The following NRG3 variants were observed in gnomAD, a reference collection of about 807,000 sequenced individuals.
NRG3 encodes the protein pro-neuregulin-3, membrane-bound isoform.
Under a neutral mutation model 66.9 loss-of-function variants are expected in NRG3, and 31 were observed. The observed-to-expected ratio is 0.46, with a 90% CI of 0.35 to 0.63. The LOEUF (loss-of-function observed/expected upper bound fraction) is 0.63. Among genes scored for constraint, NRG3 ranks in the 20% least tolerant of loss-of-function variants. The probability of loss-of-function intolerance (pLI) is 0.00; values close to 1 mark genes in which losing one functional copy is unlikely to be tolerated. For synonymous variants in NRG3, 393 were observed against 359.4 expected (o/e 1.09, Z -1.06); for missense variants, 910 against 878.9 (o/e 1.04, Z -0.45).
chr10:82,648,211 C>T (rs1345352043), intron 2 of NRG3, among the ~76,000 whole-genome samples: 1 of 152,118 alleles, frequency 6.6e-6, no homozygotes, highest in African/African-American at 2.4e-5. Context: ...CCAGTTTCAG[C>T]TTTCTACATA....
intron 2 of NRG3, among the ~76,000 whole-genome samples, chr10:82,379,243 T>C (rs924605423): frequency 7.9e-5 from 12 of 152,124 alleles, no homozygotes; most frequent in African/African-American, 2.2e-4. Flanking sequence ...TCTAACACCG[T>C]AGGAGGACTG....
At chr10:82,882,557 G>T (rs913051616) in intron 4 of NRG3, among the ~76,000 whole-genome samples, 1 of 152,156 alleles carries the variant, frequency 6.6e-6, no homozygotes, top group Admixed American at 6.5e-5. Context: ...AGAATCGCTG[G>T]TCCATAGCAA....
intron 2 of NRG3, among the ~76,000 whole-genome samples, chr10:82,722,172 G>A (rs1231460151): frequency 6.6e-6 from 1 of 152,154 alleles, no homozygotes; most frequent in Non-Finnish European, 1.5e-5. Context: ...GGGCCTGGTT[G>A]TTGTTCGACC....
chr10:81,952,556 A>G (rs1003455858), intron 1 of NRG3, among the ~76,000 whole-genome samples: 1 of 152,090 alleles, frequency 6.6e-6, no homozygotes, highest in Middle Eastern at 3.4e-3. Flanking sequence ...TGGTCACCCA[A>G]ATGGTGGTCT....
At chr10:82,483,461 C>A (rs1240816937) in intron 2 of NRG3, among the ~76,000 whole-genome samples, 1 of 152,126 alleles carries the variant, frequency 6.6e-6, no homozygotes, top group Non-Finnish European at 1.5e-5. Context: ...AATGGTAATT[C>A]TTGTATGTTT....
intron 2 of NRG3, among the ~76,000 whole-genome samples, chr10:82,394,374 T>G (rs1485054133): frequency 6.6e-6 from 1 of 152,192 alleles, no homozygotes; most frequent in Non-Finnish European, 1.5e-5. Flanking sequence ...TGTAATAGCT[T>G]GGGCAGATAA....
At chr10:81,911,896 T>TAG (rs1845205462) in intron 1 of NRG3, among the ~76,000 whole-genome samples, 1 of 152,106 alleles carries the variant, frequency 6.6e-6, no homozygotes, top group South Asian at 2.1e-4. Context: ...AATGTTTTCT[T>TAG]ACAAAAAATA....
chr10:81,950,362 G>C (rs1325442498), intron 1 of NRG3, among the ~76,000 whole-genome samples: 1 of 152,134 alleles, frequency 6.6e-6, no homozygotes, highest in Non-Finnish European at 1.5e-5. Context: ...CATCCTTTAA[G>C]GTATTTTGTT....
chr10:82,029,691 C>G (rs1564751131), intron 1 of NRG3, among the ~76,000 whole-genome samples: 1 of 152,042 alleles, frequency 6.6e-6, no homozygotes, highest in Non-Finnish European at 1.5e-5. Flanking sequence ...TGATGGACTT[C>G]ATTGAGAATG....
At chr10:82,374,765 T>C (rs2085106556) in intron 2 of NRG3, among the ~76,000 whole-genome samples, 2 of 152,178 alleles carry the variant, frequency 1.3e-5, no homozygotes, top group South Asian at 4.1e-4. Context: ...ATTCCCACCC[T>C]AGAGGTCCTT....
chr10:82,684,852 AACTG>A (rs1469973574), intron 2 of NRG3, among the ~76,000 whole-genome samples: 2 of 152,178 alleles, frequency 1.3e-5, no homozygotes, highest in African/African-American at 4.8e-5. Flanking sequence ...CCAGAAAAAA[AACTG>A]ACTAAATAGG....
intron 1 of NRG3, among the ~76,000 whole-genome samples, chr10:81,900,770 G>A (rs1408810259): frequency 6.6e-6 from 1 of 152,206 alleles, no homozygotes; most frequent in Non-Finnish European, 1.5e-5. Context: ...ATTGGAGAAA[G>A]TGCTGTGTAA....
chr10:82,053,371 G>T (rs1328050161), intron 1 of NRG3, among the ~76,000 whole-genome samples: 1 of 152,154 alleles, frequency 6.6e-6, no homozygotes, highest in African/African-American at 2.4e-5. Context: ...ATCATTCAGA[G>T]ATCCGGGCTG....
At chr10:82,629,393 T>C (rs1590937934) in intron 2 of NRG3, among the ~76,000 whole-genome samples, 1 of 152,238 alleles carries the variant, frequency 6.6e-6, no homozygotes, top group East Asian at 1.9e-4. Flanking sequence ...TAGTATTATC[T>C]TCTGGAAACA....
At chr10:81,969,772 AGTGTGT>A (rs151308270) in intron 1 of NRG3, among the ~76,000 whole-genome samples, 8,090 of 144,958 alleles carry the variant, frequency 0.056, 523 homozygotes, top group African/African-American at 0.15. Flanking sequence ...GGACATTTTG[AGTGTGT>A]GTGTGTGTGT....
At chr10:82,364,231 C>A (rs888101078) in intron 2 of NRG3, among the ~76,000 whole-genome samples, 1 of 152,132 alleles carries the variant, frequency 6.6e-6, no homozygotes, top group Non-Finnish European at 1.5e-5. Flanking sequence ...CAATTAAGTG[C>A]TTCCAGATTA....
chr10:82,496,791 A>G (rs914061780), intron 2 of NRG3, among the ~76,000 whole-genome samples: 2 of 152,132 alleles, frequency 1.3e-5, no homozygotes, highest in African/African-American at 2.4e-5. Flanking sequence ...CTATCTAATC[A>G]GTTTCTTTAT....
chr10:82,331,176 A>T (rs2082120053), intron 1 of NRG3, among the ~76,000 whole-genome samples: 2 of 152,074 alleles, frequency 1.3e-5, no homozygotes, highest in African/African-American at 2.4e-5. Flanking sequence ...CTCTCTACCC[A>T]TGCTCTTTTC....
At chr10:82,443,537 A>G (rs1374010054) in intron 2 of NRG3, among the ~76,000 whole-genome samples, 1 of 152,052 alleles carries the variant, frequency 6.6e-6, no homozygotes, top group Non-Finnish European at 1.5e-5. Context: ...TTTTTTTCAT[A>G]TGGGACAACC....
Sources: gnomAD v4.1 joint callset for allele counts (sites outside exome capture counted in the v4.1 genomes callset) on GRCh38, gnomAD v4.1.1 for gene constraint, MANE v1.5 for transcripts, NCBI Gene and HGNC (gene_info 2026-07-23, HGNC 2026-07-21) for gene names.